Variants in SPEF2 observed in about 807,000 individuals in gnomAD.
SPEF2 encodes sperm flagella and cilia-associated protein 2.
SPEF2 carries 187 observed loss-of-function variants against 224.6 expected under a neutral mutation model. That is an observed-to-expected ratio of 0.83 (90% confidence interval 0.74 to 0.94). The LOEUF (loss-of-function observed/expected upper bound fraction) is 0.94. Ranked by LOEUF, SPEF2 falls within the 40% of genes least tolerant of loss-of-function variation. The pLI, the probability that SPEF2 is intolerant of heterozygous loss-of-function variation, is 0.00. For synonymous variants in SPEF2, 715 were observed against 707.3 expected (o/e 1.01, Z -0.17); for missense variants, 2,170 against 2,135.6 (o/e 1.02, Z -0.32).
chr5:35,738,566 TTGACA>T (rs1343305480), intron 21 of SPEF2, among the ~76,000 whole-genome samples: 19 of 148,494 alleles, frequency 1.3e-4, no homozygotes, highest in African/African-American at 4.7e-4. Flanking sequence ...TTAACAAGTT[TTGACA>T]AACTTGTTAA....
chr5:35,659,454 C>T (rs1410763205), intron 8 of SPEF2, among the ~76,000 whole-genome samples: 1 of 152,156 alleles, frequency 6.6e-6, no homozygotes, highest in Non-Finnish European at 1.5e-5. Context: ...ATGCTCACCA[C>T]CAACCCTTAT....
intron 2 of SPEF2, among the ~76,000 whole-genome samples, chr5:35,628,868 A>C (rs1744659969): frequency 6.6e-6 from 1 of 151,998 alleles, no homozygotes; most frequent in Admixed American, 6.6e-5. Flanking sequence ...TTGAGATTAC[A>C]TGTGTGCACC....
At position 35,774,090 on chromosome 5, in the gene SPEF2, C is replaced by T. The variant is rs181912405; in HGVS notation, c.4078+69C>T. The T allele has an allele frequency of 3.2e-6, 5 of 1,558,530 alleles. No homozygotes were observed. The East Asian group carries it at 1.1e-4, about 35-fold the overall frequency. On this transcript the variant is annotated intron_variant, in intron 28 of 36. Coordinates refer to ENST00000356031, the MANE Select transcript of SPEF2 (RefSeq NM_024867.4). ...AGACCAGTAGCCAAACAGCCCACAACTGGCTCATCAATTGCCTCAGACCAT... is the reference window on the plus strand; with the variant it reads ...AGACCAGTAGCCAAACAGCCCACAATTGGCTCATCAATTGCCTCAGACCAT...
chr5:35,788,408 CG>C, intron 30 of SPEF2: 1 of 702,060 alleles, frequency 1.4e-6, no homozygotes. Context: ...TGAAGTAGAA[CG>C]AAAAAATCTA....
intron 19 of SPEF2, among the ~76,000 whole-genome samples, chr5:35,712,014 T>A (rs1025714790): frequency 7.9e-5 from 12 of 152,072 alleles, no homozygotes; most frequent in Non-Finnish European, 1.6e-4. Flanking sequence ...CATCTCCAGA[T>A]CATCAGTTTT....
At chr5:35,709,397 C>T in intron 19 of SPEF2, 1 of 1,190,338 alleles carries the variant, frequency 8.4e-7, no homozygotes, top group Non-Finnish European at 1.0e-6. Context: ...GGAAAAGGCA[C>T]AGAGTAACAG....
intron 1 of SPEF2, among the ~76,000 whole-genome samples, chr5:35,619,599 C>T (rs1743210943): frequency 6.6e-6 from 1 of 151,952 alleles, no homozygotes; most frequent in Non-Finnish European, 1.5e-5. Flanking sequence ...ATCGCTTGAA[C>T]CCAGGAGGCA....
intron 10 of SPEF2, among the ~76,000 whole-genome samples, chr5:35,673,186 C>G (rs557727588): frequency 2.6e-5 from 4 of 152,258 alleles, no homozygotes; most frequent in African/African-American, 4.8e-5. Context: ...AGGAAGGGCC[C>G]TTAAAGCCCA....
chr5:35,702,175 T>TG (rs775113768), intron 16 of SPEF2: 11 of 456,046 alleles, frequency 2.4e-5, no homozygotes, highest in South Asian at 1.7e-4. Context: ...CTGGGCTGAG[T>TG]GGGAGCCTAG....
chr5:35,657,494 G>C (rs1749122210), intron 7 of SPEF2, among the ~76,000 whole-genome samples: 2 of 151,944 alleles, frequency 1.3e-5, no homozygotes, highest in African/African-American at 4.8e-5. Context: ...GGAATCGGGG[G>C]GGTGGTTTAA....
At position 35,644,529 on chromosome 5, in the gene SPEF2, C is replaced by G; in HGVS notation, c.585+4C>G. Reference sequence around the variant, plus strand: ...AAGATGTTTTGATATTGAAAAGGTTCTATAGAACTATTTTTTCAGAAATTC... The same window carrying G: ...AAGATGTTTTGATATTGAAAAGGTTGTATAGAACTATTTTTTCAGAAATTC... On this transcript the variant is annotated splice_donor_region_variant and intron_variant, in intron 4 of 36. Transcript: ENST00000356031. 6.3e-7 allele frequency: 1 copy of G among 1,583,322 alleles called. No individual in the cohort carries two copies. Among genetic ancestry groups the G allele is most frequent in the African/African-American group, 1.4e-5 (1 of 73,176 alleles).
intron 13 of SPEF2, among the ~76,000 whole-genome samples, chr5:35,695,196 T>TAA (rs980479072): frequency 5.3e-5 from 8 of 152,050 alleles, no homozygotes; most frequent in African/African-American, 1.9e-4. Flanking sequence ...AAAACTATTA[T>TAA]AAGTGTTTTA....
chr5:35,751,118 T>TATATGA (rs1205071419), intron 23 of SPEF2, among the ~76,000 whole-genome samples: 1 of 87,892 alleles, frequency 1.1e-5, no homozygotes, highest in African/African-American at 4.2e-5. Context: ...TATATATATA[T>TATATGA]GATGGAATGC....
chr5:35,690,215 G>A (rs1430846493), intron 10 of SPEF2, among the ~76,000 whole-genome samples: 2 of 151,884 alleles, frequency 1.3e-5, no homozygotes, highest in East Asian at 3.9e-4. Flanking sequence ...TTTATGCTAG[G>A]AACATTTGAA....
chr5:35,762,768 C>T (rs1046679414), intron 25 of SPEF2, among the ~76,000 whole-genome samples: 18 of 152,170 alleles, frequency 1.2e-4, no homozygotes, highest in Non-Finnish European at 1.9e-4. Flanking sequence ...TTCCCTGCTT[C>T]TGTTAACCTT....
chr5:35,705,490 T>C (rs983432374), intron 17 of SPEF2, among the ~76,000 whole-genome samples, 161 bp from the exon 18 acceptor site: 2 of 152,106 alleles, frequency 1.3e-5, no homozygotes, highest in African/African-American at 4.8e-5. Context: ...TGACATTAAG[T>C]AATTTCTTCT....
chr5:35,762,732 C>A (rs1363492414), intron 25 of SPEF2, among the ~76,000 whole-genome samples: 1 of 152,176 alleles, frequency 6.6e-6, no homozygotes, highest in Non-Finnish European at 1.5e-5. Flanking sequence ...ATTCCAGTCA[C>A]AATAAGCATT....
chr5:35,641,874 A>G (rs1033329752), intron 3 of SPEF2, 191 bp downstream of exon 3: 2 of 523,066 alleles, frequency 3.8e-6, no homozygotes, highest in African/African-American at 3.9e-5. Context: ...GTCTCTCTCT[A>G]TCCTATCCAT....
chr5:35,771,429 C>T (rs535262405), intron 26 of SPEF2, among the ~76,000 whole-genome samples, 180 bp from the exon 27 acceptor site: 1 of 152,286 alleles, frequency 6.6e-6, no homozygotes, highest in East Asian at 1.9e-4. Context: ...CATCTTGGGA[C>T]AGGGCCAGGT....
Sources: gnomAD v4.1 joint callset for allele counts (sites outside exome capture counted in the v4.1 genomes callset) on GRCh38, gnomAD v4.1.1 for gene constraint, MANE v1.5 for transcripts, NCBI Gene and HGNC (gene_info 2026-07-23, HGNC 2026-07-21) for gene names.